Variants in KIAA2012 observed in about 807,000 individuals in gnomAD.
The protein encoded by KIAA2012 is uncharacterized protein KIAA2012.
KIAA2012 carries 125 observed loss-of-function variants against 150.6 expected under a neutral mutation model. The observed-to-expected ratio is 0.83, with a 90% confidence interval of 0.72 to 0.96. KIAA2012 has a LOEUF of 0.96. Among genes scored for constraint, KIAA2012 ranks in the 40% least tolerant of loss-of-function variants. KIAA2012 has a pLI of 0.00. For missense variants in KIAA2012, 1,219 were observed against 1,354.9 expected, an observed-to-expected ratio of 0.90 and a Z score of 1.57; for synonymous variants, 462 against 504.7, an observed-to-expected ratio of 0.92 and a Z score of 1.13.
chr2:202,077,744 G>T (rs1337315805), intron 2 of KIAA2012, among the ~76,000 whole-genome samples: 1 of 152,166 alleles, frequency 6.6e-6, no homozygotes, highest in Admixed American at 6.5e-5. Context: ...ACAGAGGCAG[G>T]AGAATTGCTT....
intron 11 of KIAA2012, among the ~76,000 whole-genome samples, chr2:202,117,909 A>G (rs1229374581): frequency 2.0e-5 from 3 of 152,158 alleles, no homozygotes; most frequent in African/African-American, 7.2e-5. Context: ...TGTTTTTGGT[A>G]AAGCATCATG....
intron 10 of KIAA2012, 24 bp from the exon 11 acceptor site, chr2:202,113,312 C>A: frequency 6.6e-7 from 1 of 1,525,592 alleles, no homozygotes; most frequent in Non-Finnish European, 8.9e-7. Context: ...ACTGACACTG[C>A]CTATGCTTGT....
At chr2:202,197,494 T>C (rs1178078387) in intron 22 of KIAA2012, 2 of 161,696 alleles carry the variant, frequency 1.2e-5, no homozygotes, top group Non-Finnish European at 2.7e-5. Flanking sequence ...ATTCTAGGGG[T>C]GGGAATGGAG....
At chr2:202,162,399 C>T (rs1003338365) in intron 14 of KIAA2012, among the ~76,000 whole-genome samples, 17 of 151,718 alleles carry the variant, frequency 1.1e-4, no homozygotes, top group African/African-American at 3.6e-4. Flanking sequence ...CTCAGCCTCC[C>T]GAGTAGCTGG....
At chr2:202,146,693 G>A (rs2105948425) in intron 13 of KIAA2012, among the ~76,000 whole-genome samples, 1 of 151,516 alleles carries the variant, frequency 6.6e-6, no homozygotes, top group African/African-American at 2.4e-5. Context: ...CAGCTACTCA[G>A]GAGGCTGAGG....
chr2:202,085,355 A>T (rs929691481), intron 2 of KIAA2012, among the ~76,000 whole-genome samples: 1 of 152,202 alleles, frequency 6.6e-6, no homozygotes, highest in Non-Finnish European at 1.5e-5. Flanking sequence ...TGGGGATATT[A>T]TCTTGGATGA....
rs1690297499 is a variant in KIAA2012 at position 202,109,755 on chromosome 2, G to A, written c.1617G>A (p.Met539Ile). 6 of 1,550,000 alleles carry A rather than the reference G, an allele frequency of 3.9e-6. No individual in the cohort carries two copies. The South Asian group carries it at 6.0e-5, about 15-fold the overall frequency. ...DHNSPPSLPNMRVPRRALPAA... is the reference protein window; with the variant it reads ...DHNSPPSLPNIRVPRRALPAA... Reference sequence around the variant, plus strand: ...ACAGCCCCCCAAGTCTCCCGAACATGAGAGTGCCCAGGAGGGCACTGCCAG... The same window carrying A: ...ACAGCCCCCCAAGTCTCCCGAACATAAGAGTGCCCAGGAGGGCACTGCCAG... The change falls in exon 10 of 24, where the codon ATG (methionine) becomes ATA (isoleucine). Residue 539 changes from methionine to isoleucine, a missense_variant. Coordinates refer to ENST00000498697, the MANE Select transcript of KIAA2012 (RefSeq NM_001277372.4).
At chr2:202,107,872 G>A (rs7557584) in intron 9 of KIAA2012, among the ~76,000 whole-genome samples, 63,905 of 151,672 alleles carry the variant, frequency 0.42, 14,658 homozygotes, top group South Asian at 0.56. Context: ...AGCCGGGTGT[G>A]GTGGCACACA....
At chr2:202,109,589 CT>C in intron 9 of KIAA2012, 23 bp from the exon 10 acceptor site, 1 of 1,502,988 alleles carries the variant, frequency 6.7e-7, no homozygotes, top group Admixed American at 2.4e-5. Context: ...CTCACACAGG[CT>C]TTTTCCCCTT....
intron 15 of KIAA2012, among the ~76,000 whole-genome samples, chr2:202,183,467 G>GT (rs1157849666): frequency 2.3e-5 from 3 of 127,688 alleles, no homozygotes; most frequent in African/African-American, 5.8e-5. Flanking sequence ...TTTTTGGGGG[G>GT]TTTTTTAAAT....
intron 21 of KIAA2012, among the ~76,000 whole-genome samples, chr2:202,196,282 C>T (rs576759627): frequency 6.7e-6 from 1 of 149,334 alleles, no homozygotes; most frequent in South Asian, 2.1e-4. Flanking sequence ...GCAAGCTCCG[C>T]CTCCCAGGTT....
At chr2:202,130,576 A>G (rs1690908241) in intron 12 of KIAA2012, among the ~76,000 whole-genome samples, 2 of 152,212 alleles carry the variant, frequency 1.3e-5, no homozygotes, top group African/African-American at 4.8e-5. Flanking sequence ...AGTATTTTCT[A>G]TTTAATCACC....
rs565823072 is a variant in KIAA2012, at chr2:202,104,854, A to G, written c.1325-907A>G. On this transcript the variant is annotated intron_variant, in intron 8 of 23. Coordinates refer to ENST00000498697, the MANE Select transcript of KIAA2012 (RefSeq NM_001277372.4). This position sits in a 1 kb window ranked among gnomAD's most constrained non-coding sequence, Gnocchi z 4.3. ...ATGAAAAGATACACTTAATAAAAAG[A>G]CAGACAATACTATTCACAAGATTGG... Among the ~76,000 whole-genome samples the G allele has an allele frequency of 6.6e-6, 1 of 152,306 alleles. No individual in the cohort carries two copies. The highest frequency in any genetic ancestry group is 2.4e-5 in the African/African-American group (1 of 41,568).
chr2:202,151,540 G>A (rs1254880214), intron 13 of KIAA2012, among the ~76,000 whole-genome samples: 1 of 151,938 alleles, frequency 6.6e-6, no homozygotes, highest in Non-Finnish European at 1.5e-5. Context: ...AGCCTCCTCT[G>A]ACCATTTAAG....
chr2:202,098,789 C>CGAGTGTGT (rs71406944), intron 5 of KIAA2012, among the ~76,000 whole-genome samples: 1 of 148,412 alleles, frequency 6.7e-6, no homozygotes, highest in Non-Finnish European at 1.5e-5. Context: ...ACTCTAAGGC[C>CGAGTGTGT]GTGTGTGTGT....
intron 12 of KIAA2012, among the ~76,000 whole-genome samples, chr2:202,135,490 T>A (rs1164206948): frequency 6.6e-6 from 1 of 152,194 alleles, no homozygotes; most frequent in African/African-American, 2.4e-5. Context: ...CACTGTTCTG[T>A]CTACCAGGAA....
At chr2:202,132,848 G>C (rs1166159057) in intron 12 of KIAA2012, among the ~76,000 whole-genome samples, 1 of 135,408 alleles carries the variant, frequency 7.4e-6, no homozygotes, top group African/African-American at 2.8e-5. Flanking sequence ...TGTAATCCCA[G>C]CACTTTGGGA....
Position 202,192,454 on chromosome 2 carries a change from CT to C in KIAA2012, c.2812-826del, listed in dbSNP as rs71406952. ...AAGATTGCCCCTGGTAAAATAGCTT[CT>C]TTTTTTTTTTTTTTTTTTTTAGAGG... On this transcript the variant is annotated intron_variant, in intron 19 of 23. Transcript: ENST00000498697. Among the ~76,000 whole-genome samples the C allele has an allele frequency of 5.7e-3, 681 of 120,348 alleles. 8 individuals carry two copies. Among genetic ancestry groups the C allele is most frequent in the East Asian group, 0.041 (171 of 4,202 alleles). The allele number at this position is 120,348 out of a possible 152,430, so 79.0% of individuals were successfully genotyped here.
At chr2:202,143,343 C>T (rs927426180) in intron 13 of KIAA2012, among the ~76,000 whole-genome samples, 1 of 151,888 alleles carries the variant, frequency 6.6e-6, no homozygotes, top group African/African-American at 2.4e-5. Context: ...GCCTTGGCCT[C>T]CCAAAGTGCT....
Sources: gnomAD v4.1 joint callset for allele counts (sites outside exome capture counted in the v4.1 genomes callset) on GRCh38, gnomAD v4.1.1 for gene constraint, Gnocchi (gnomAD v3.1) non-coding constraint, MANE v1.5 for transcripts, NCBI Gene and HGNC (gene_info 2026-07-23, HGNC 2026-07-21) for gene names.